The following AEBP2 variants were observed in gnomAD, a reference collection of about 807,000 sequenced individuals.
AEBP2 encodes AE binding protein 2, also known as zinc finger protein AEBP2.
In AEBP2, 10 loss-of-function variants were observed where a neutral mutation model predicts 50.8. The ratio of observed to expected loss-of-function variants is 0.20; its 90% CI spans 0.12 to 0.33. The LOEUF (loss-of-function observed/expected upper bound fraction) is 0.33, where lower values mean the gene tolerates loss of function less well. AEBP2 is among the 10% of genes least tolerant of loss of function. The pLI, the probability that AEBP2 is intolerant of heterozygous loss-of-function variation, is 1.00. For synonymous variants in AEBP2, 296 were observed against 261.3 expected, an observed-to-expected ratio of 1.13 and a Z score of -1.28; for missense variants, 570 against 688.0, an observed-to-expected ratio of 0.83 and a Z score of 1.92.
At chr12:19,444,721 C>T (rs1948028129) in intron 1 of AEBP2, among the ~76,000 whole-genome samples, 1 of 152,170 alleles carries the variant, frequency 6.6e-6, no homozygotes, top group African/African-American at 2.4e-5. Context: ...GGAATCCATC[C>T]ACGTTGCTTG....
At position 19,467,960 on chromosome 12, in the gene AEBP2, A is replaced by G. The variant is rs1036733394; in HGVS notation, c.879+5243A>G. On this transcript the variant is annotated intron_variant, in intron 2 of 7. Coordinates refer to ENST00000266508, the MANE Select transcript of AEBP2 (RefSeq NM_153207.5). ...TTGGAAGACTTGAATGAGTCCAGTT[A>G]ACTATAGCACTCAGGAGGTCAAGGT... Among the ~76,000 whole-genome samples, 4 of 152,022 alleles carry G rather than the reference A, an allele frequency of 2.6e-5. 1 individual carries two copies. In the South Asian group the frequency reaches 8.3e-4, roughly 32 times the overall value.
At chr12:19,504,073 T>C (rs1949121017) in intron 5 of AEBP2, among the ~76,000 whole-genome samples, 2 of 152,158 alleles carry the variant, frequency 1.3e-5, no homozygotes, top group South Asian at 4.1e-4. Context: ...TAAATTTAAA[T>C]GGAGGCGTGC....
At chr12:19,445,262 G>A (rs1948039412) in intron 1 of AEBP2, among the ~76,000 whole-genome samples, 1 of 151,966 alleles carries the variant, frequency 6.6e-6, no homozygotes, top group Non-Finnish European at 1.5e-5. Flanking sequence ...GCAGTGGTGC[G>A]ATCTTGGCTC....
At chr12:19,466,158 T>G (rs1328184567) in intron 2 of AEBP2, among the ~76,000 whole-genome samples, 1 of 152,040 alleles carries the variant, frequency 6.6e-6, no homozygotes, top group Non-Finnish European at 1.5e-5. Context: ...CAGATTTTTT[T>G]CTTTGAAATG....
chr12:19,469,547 T>G lies in AEBP2; in HGVS notation c.880-3701T>G, dbSNP rs114707565. ...CTTAGCTCACATAGCCTCAAACTCC[T>G]GGACTCAAGCAATCCTTCTACCTCT... On this transcript the variant is annotated intron_variant, in intron 2 of 7. Coordinates refer to ENST00000266508, the MANE Select transcript of AEBP2 (RefSeq NM_153207.5). Among the ~76,000 whole-genome samples, 558 of 152,318 alleles carry G rather than the reference T, an allele frequency of 3.7e-3. 2 individuals are homozygous for G. The highest frequency in any genetic ancestry group is 0.013 in the African/African-American group (534 of 41,564).
Position 19,520,721 on chromosome 12 carries a change from G to T in AEBP2, c.*2604G>T, listed in dbSNP as rs1483428617. ...ATGTTGTCTATGCCTGCTTTCTCCTGCAGTGGCAGAATTGAGTGGTGAGAC... is the reference window on the plus strand; with the variant it reads ...ATGTTGTCTATGCCTGCTTTCTCCTTCAGTGGCAGAATTGAGTGGTGAGAC... On this transcript the variant is annotated 3_prime_UTR_variant, in exon 8 of 8. Coordinates refer to ENST00000266508, the MANE Select transcript of AEBP2 (RefSeq NM_153207.5). The T allele has an allele frequency of 1.3e-5, 2 of 152,114 alleles. No individual in the cohort carries two copies. Among genetic ancestry groups the T allele is most frequent in the African/African-American group, 4.8e-5 (2 of 41,420 alleles). 9.4% of individuals were successfully genotyped at this position (152,114 alleles called of 1,614,324 possible). A position where few individuals can be genotyped will look rare whatever the true frequency, so the allele number is the denominator to read the frequency against.
intron 1 of AEBP2, chr12:19,445,869 A>G (rs948626053): frequency 1.3e-5 from 2 of 151,960 alleles, no homozygotes; most frequent in African/African-American, 4.8e-5. Flanking sequence ...ATGTACGTGC[A>G]GCTAGTTATA....
intron 5 of AEBP2, among the ~76,000 whole-genome samples, chr12:19,510,528 T>C (rs1238001065): frequency 6.6e-5 from 10 of 152,192 alleles, no homozygotes; most frequent in Admixed American, 6.5e-4. Context: ...CCTAGGTTAA[T>C]TGCCTGAGTT....
intron 3 of AEBP2, among the ~76,000 whole-genome samples, chr12:19,481,300 A>T (rs1368741044): frequency 6.6e-6 from 1 of 151,032 alleles, no homozygotes; most frequent in African/African-American, 2.4e-5. Context: ...GCAGGGTTTC[A>T]TCATGTTGGC....
In AEBP2 at chr12:19,516,264, T is replaced by C. The variant is rs555448213; in HGVS notation, c.1481+1480T>C. On this transcript the variant is annotated intron_variant, in intron 7 of 7. Coordinates refer to ENST00000266508, the MANE Select transcript of AEBP2 (RefSeq NM_153207.5). ...AGAAAAATAATTGAGTGTTGTTGAT[T>C]TATTTGTACCTAATTTAGAGTTATT... Among the ~76,000 whole-genome samples, 4 of 152,316 alleles carry C rather than the reference T, an allele frequency of 2.6e-5. 1 individual carries two copies. The highest frequency in any genetic ancestry group is 9.6e-5 in the African/African-American group (4 of 41,568).
intron 3 of AEBP2, among the ~76,000 whole-genome samples, chr12:19,474,576 T>C (rs1184168981): frequency 1.3e-5 from 2 of 152,170 alleles, no homozygotes; most frequent in African/African-American, 4.8e-5. Flanking sequence ...CAGATAAATA[T>C]GTAGTCTCAT....
At chr12:19,447,091 A>G (rs901869829) in intron 1 of AEBP2, among the ~76,000 whole-genome samples, 1 of 152,238 alleles carries the variant, frequency 6.6e-6, no homozygotes, top group African/African-American at 2.4e-5. Context: ...TGAGCGTAGC[A>G]TGTTCAGGAG....
chr12:19,450,926 A>G (rs1023068586), intron 1 of AEBP2, among the ~76,000 whole-genome samples: 3 of 151,740 alleles, frequency 2.0e-5, no homozygotes, highest in Non-Finnish European at 4.4e-5. Flanking sequence ...GCTGTATTTC[A>G]ATTATTTCTT....
intron 1 of AEBP2, among the ~76,000 whole-genome samples, chr12:19,420,213 G>C (rs1335216574): frequency 2.7e-5 from 4 of 150,590 alleles, no homozygotes; most frequent in Non-Finnish European, 1.5e-5. Context: ...ATTTTTAGTA[G>C]AGACGGGGTT....
chr12:19,484,532 G>A (rs1180441468), intron 3 of AEBP2, among the ~76,000 whole-genome samples: 2 of 151,616 alleles, frequency 1.3e-5, no homozygotes, highest in African/African-American at 2.4e-5. Flanking sequence ...CCACCACCAC[G>A]CCCAGCTAAT....
chr12:19,514,848 G>C (rs766713122), intron 7 of AEBP2, 64 bp downstream of exon 7: 400 of 1,221,250 alleles, frequency 3.3e-4, no homozygotes, highest in Non-Finnish European at 4.5e-4. Flanking sequence ...CCAAATTTTG[G>C]ATAAATTAGG....
At chr12:19,440,627 C>CGGACCTCA in intron 1 of AEBP2, 2 of 1,500,612 alleles carry the variant, frequency 1.3e-6, no homozygotes, top group Non-Finnish European at 1.8e-6. Context: ...TCGCTCCTCA[C>CGGACCTCA]GGACCTCAGG....
intron 5 of AEBP2, among the ~76,000 whole-genome samples, chr12:19,507,711 A>T (rs991826952): frequency 1.3e-5 from 2 of 152,158 alleles, no homozygotes; most frequent in East Asian, 3.9e-4. Flanking sequence ...CCATAATGAG[A>T]TAAGGTCTTC....
At chr12:19,450,987 GTT>G (rs35893035) in intron 1 of AEBP2, among the ~76,000 whole-genome samples, 9 of 150,940 alleles carry the variant, frequency 6.0e-5, no homozygotes, top group South Asian at 4.2e-4. Flanking sequence ...TAGTATGACA[GTT>G]TTTTTTTTGG....
Sources: allele counts gnomAD v4.1 joint callset (sites outside exome capture counted in the v4.1 genomes callset), GRCh38; gene constraint gnomAD v4.1.1; transcripts MANE v1.5; gene names NCBI Gene and HGNC (gene_info 2026-07-23, HGNC 2026-07-21).